The following MX1 variants were observed in gnomAD, a reference collection of about 807,000 sequenced individuals.
MX1 encodes MX dynamin like GTPase 1, also known as interferon-induced GTP-binding protein Mx1.
In MX1, 66 loss-of-function variants were observed where a neutral mutation model predicts 66.4. That is an observed-to-expected ratio of 0.99 (90% CI 0.82 to 1.22). MX1 has a LOEUF of 1.22. Among genes scored for constraint, MX1 ranks in the 50% most tolerant of loss-of-function variants. The pLI is 0.00. For missense variants in MX1, 787 were observed against 834.3 expected (o/e 0.94, Z 0.70); for synonymous variants, 311 against 318.1 (o/e 0.98, Z 0.24).
chr21:41,423,679 T>A (rs2090015977), upstream of MX1, among the ~76,000 whole-genome samples: 1 of 152,142 alleles, frequency 6.6e-6, no homozygotes, highest in Admixed American at 6.5e-5. Flanking sequence ...ACATCCTACA[T>A]GCTCAGTAGA....
chr21:41,436,066 G>C, intron 6 of MX1, 37 bp downstream of exon 6: 1 of 1,598,484 alleles, frequency 6.3e-7, no homozygotes, highest in Non-Finnish European at 8.6e-7. Context: ...TGCTCAGGCT[G>C]CCATAACAAA....
intron 8 of MX1, 43 bp downstream of exon 8, chr21:41,439,891 A>C: frequency 1.5e-6 from 1 of 652,972 alleles, no homozygotes; most frequent in Non-Finnish European, 2.7e-6. Context: ...TGGCGTGGGG[A>C]TGGGGGAGTG....
intron 3 of MX1, among the ~76,000 whole-genome samples, chr21:41,430,269 G>T (rs1387277227): frequency 6.6e-6 from 1 of 152,174 alleles, no homozygotes; most frequent in South Asian, 2.1e-4. Flanking sequence ...GGAGATTCCT[G>T]CGAGGGGAAG....
chr21:41,451,893 C>G (rs1320059867), intron 15 of MX1, among the ~76,000 whole-genome samples: 1 of 148,518 alleles, frequency 6.7e-6, no homozygotes, highest in Non-Finnish European at 1.5e-5. Context: ...AAAGAGCCTA[C>G]AGGAAATGAG....
intron 13 of MX1, among the ~76,000 whole-genome samples, 186 bp downstream of exon 13, chr21:41,446,327 C>T (rs1209565330): frequency 6.6e-6 from 1 of 152,154 alleles, no homozygotes; most frequent in Non-Finnish European, 1.5e-5. Flanking sequence ...CTAGCTGTGT[C>T]CTCTCATGGG....
chr21:41,456,587 T>C (rs1284562435), intron 16 of MX1, among the ~76,000 whole-genome samples: 1 of 152,180 alleles, frequency 6.6e-6, no homozygotes, highest in African/African-American at 2.4e-5. Context: ...AATACCTAGA[T>C]TCGTGTTTGA....
chr21:41,441,876 G>C lies in MX1; in HGVS notation c.891G>C (p.Gln297His), dbSNP rs759389275. 1 of 1,614,182 alleles carries C rather than the reference G, an allele frequency of 6.2e-7. No individual in the cohort carries two copies. Among genetic ancestry groups the C allele is most frequent in the Non-Finnish European group, 8.5e-7 (1 of 1,180,026 alleles). Residue 297 changes from glutamine (Q) to histidine (H), a missense_variant, in exon 10 of 17, where the codon CAG becomes CAC. By Grantham distance (24) the Gln-to-His change is conservative (BLOSUM62 0). Transcript: ENST00000398598. The surrounding 1 kb of genome is among the most constrained non-coding windows in gnomAD (Gnocchi z 4.0). ...AGCTGAGCCTGTCCGAAGCCCTGCA[G>C]AGAGAGAAGATCTTCTTTGAGAACC... is the stretch of plus-strand genomic sequence containing the variant. ...QDQLSLSEAL[Q>H]REKIFFENHP...
intron 16 of MX1, among the ~76,000 whole-genome samples, chr21:41,455,016 C>T (rs2090925865): frequency 6.6e-6 from 1 of 151,974 alleles, no homozygotes; most frequent in Non-Finnish European, 1.5e-5. Flanking sequence ...AAGCAATTCA[C>T]CTGCCTCAGC....
At chr21:41,452,122 C>T (rs910548761) in intron 15 of MX1, among the ~76,000 whole-genome samples, 1 of 152,166 alleles carries the variant, frequency 6.6e-6, no homozygotes, top group Admixed American at 6.5e-5. Context: ...TAGGATGCAC[C>T]TGCCACTGTG....
upstream of MX1, among the ~76,000 whole-genome samples, chr21:41,421,552 G>C (rs1313906139): frequency 2.0e-5 from 3 of 152,222 alleles, no homozygotes; most frequent in Non-Finnish European, 4.4e-5. Flanking sequence ...CGCAGTGTTT[G>C]TGTCCCTGGG....
chr21:41,458,460 T>C, intron 16 of MX1, 68 bp from the exon 17 acceptor site: 1 of 1,161,468 alleles, frequency 8.6e-7, no homozygotes, highest in East Asian at 4.7e-5. Flanking sequence ...CATGTGCACA[T>C]GGTGAGGTCA....
Position 41,441,668 on chromosome 21 carries a change from T to C in MX1, c.731-48T>C, listed in dbSNP as rs780719682. On this transcript the variant is annotated intron_variant, in intron 9 of 16. Coordinates refer to ENST00000398598, the MANE Select transcript of MX1 (RefSeq NM_002462.5). The surrounding 1 kb of genome is among the most constrained non-coding windows in gnomAD (Gnocchi z 4.0). ...GCGTGAGCAGTTGTTCGTTCACCTC[T>C]GCCTCGTGACTGAGCACGTTCTCTC... is the stretch of plus-strand genomic sequence containing the variant. 3.7e-6 allele frequency: 6 copies of C among 1,602,350 alleles called. No homozygotes were observed. The South Asian group carries it at 6.6e-5, about 18-fold the overall frequency.
intron 10 of MX1, among the ~76,000 whole-genome samples, chr21:41,442,345 T>C (rs467987): frequency 0.49 from 75,066 of 151,950 alleles, 19,560 homozygotes; most frequent in Non-Finnish European, 0.59. Flanking sequence ...TATCTATTAG[T>C]GGTGTTAGGA....
At position 41,451,254 on chromosome 21, in the gene MX1, C is replaced by T; in HGVS notation, c.1509+11C>T. 6.5e-7 allele frequency: 1 copy of T among 1,542,520 alleles called. No individual in the cohort carries two copies. The highest frequency in any genetic ancestry group is 8.8e-7 in the Non-Finnish European group (1 of 1,131,294). ...CACAGAACCGCCAAGGTAAAACCAA[C>T]CATGTGTTGTTTAAAAAAAAAAAAG... On this transcript the variant is annotated intron_variant, in intron 15 of 16. Coordinates refer to ENST00000398598, the MANE Select transcript of MX1 (RefSeq NM_002462.5).
chr21:41,458,785 T>C lies in MX1; in HGVS notation c.*27T>C. 2 of 1,599,210 alleles carry C rather than the reference T, an allele frequency of 1.3e-6. No individual in the cohort carries two copies. On this transcript the variant is annotated 3_prime_UTR_variant, in exon 17 of 17. Transcript: ENST00000398598. ...CACACTCTGTCCAGCCCCGTAGACG[T>C]GCACGCACACTGTCTGCCCCCGTTC...
At position 41,458,584 on chromosome 21, in the gene MX1, C is replaced by G; in HGVS notation, c.1815C>G (p.Leu605=). 1 of 1,614,238 alleles carries G rather than the reference C, an allele frequency of 6.2e-7. No individual in the cohort carries two copies. Among genetic ancestry groups the G allele is most frequent in the Non-Finnish European group, 8.5e-7 (1 of 1,180,042 alleles). ...CTTTGATCATCCAGTTCTTCATGCTCCAGACGTACGGCCAGCAGCTTCAGA... is the reference window on the plus strand; with the variant it reads ...CTTTGATCATCCAGTTCTTCATGCTGCAGACGTACGGCCAGCAGCTTCAGA... The part of the protein sequence containing the change: ...HIPLIIQFFM[L]QTYGQQLQKA... Residue 605 remains leucine (L), a synonymous_variant, in exon 17 of 17, where the codon CTC becomes CTG. Coordinates refer to ENST00000398598, the MANE Select transcript of MX1 (RefSeq NM_002462.5).
chr21:41,423,533 T>C (rs1414036659), upstream of MX1, among the ~76,000 whole-genome samples: 2 of 152,226 alleles, frequency 1.3e-5, no homozygotes, highest in Admixed American at 6.5e-5. Flanking sequence ...CTCTCTTTAC[T>C]ACCTGATTGG....
intron 16 of MX1, among the ~76,000 whole-genome samples, chr21:41,457,598 C>T (rs2090988853): frequency 1.3e-5 from 2 of 152,180 alleles, no homozygotes; most frequent in South Asian, 2.1e-4. Context: ...TTCCCCTCTG[C>T]GTTGGGTCTT....
intron 3 of MX1, among the ~76,000 whole-genome samples, chr21:41,430,247 A>G (rs1045466023): frequency 6.6e-5 from 10 of 151,904 alleles, no homozygotes; most frequent in Non-Finnish European, 1.3e-4. Flanking sequence ...CAAAGATCAC[A>G]TGGCTCTCGG....
Sources: gnomAD v4.1 joint callset for allele counts (sites outside exome capture counted in the v4.1 genomes callset) on GRCh38, gnomAD v4.1.1 for gene constraint, Gnocchi (gnomAD v3.1) non-coding constraint, MANE v1.5 for transcripts, NCBI Gene and HGNC (gene_info 2026-07-23, HGNC 2026-07-21) for gene names.